Variants in MACF1 observed in about 807,000 individuals in gnomAD.
MACF1 encodes the protein microtubule actin crosslinking factor 1.
In MACF1, 193 loss-of-function variants were observed where a neutral mutation model predicts 854.8. That is an observed-to-expected ratio of 0.23 (90% CI 0.20 to 0.25). The LOEUF is 0.25. Ranked by LOEUF, MACF1 falls within the 10% of genes least tolerant of loss-of-function variation. The pLI is 1.00. For synonymous variants in MACF1, 3,185 were observed against 3,226.7 expected, an observed-to-expected ratio of 0.99 and a Z score of 0.44; for missense variants, 7,722 against 8,929.1, an observed-to-expected ratio of 0.86 and a Z score of 5.45.
At chr1:39,303,270 C>T (rs1428760259) in intron 23 of MACF1, among the ~76,000 whole-genome samples, 192 bp downstream of exon 23, 1 of 152,230 alleles carries the variant, frequency 6.6e-6, no homozygotes, top group East Asian at 1.9e-4. Context: ...TACTTCTGTT[C>T]AGCTGGAGTA....
intron 96 of MACF1, 39 bp downstream of exon 96, chr1:39,468,771 T>C (rs1644718833): frequency 6.5e-7 from 1 of 1,542,314 alleles, no homozygotes; most frequent in Non-Finnish European, 9.0e-7. Context: ...GTGTTAGGTA[T>C]GCCCCCAGCA....
At position 39,388,457 on chromosome 1, in the gene MACF1, G is replaced by A. The variant is rs1641884300; in HGVS notation, c.15615G>A (p.Leu5205=). The change falls in exon 58 of 101, where the codon CTG becomes CTA. Residue 5205 remains leucine (L), a synonymous_variant. Coordinates refer to ENST00000564288, the MANE Select transcript of MACF1 (RefSeq NM_001394062.1). The part of the protein sequence containing the change: ...LLGLKRELEA[L]NKQCGKLTER... ...GTCTCAAAAGGGAGCTAGAAGCCCT[G>A]AACAAACAGTGTGGCAAACTGACAG... The A allele has an allele frequency of 6.2e-7, 1 of 1,613,994 alleles. No homozygotes were observed. The highest frequency in any genetic ancestry group is 1.3e-5 in the African/African-American group (1 of 74,906).
intron 66 of MACF1, among the ~76,000 whole-genome samples, chr1:39,431,266 G>A (rs148874771): frequency 6.6e-6 from 1 of 152,270 alleles, no homozygotes; most frequent in East Asian, 1.9e-4. Context: ...AACTCTCTTA[G>A]CATTAGATGG....
intron 91 of MACF1, 130 bp downstream of exon 91, chr1:39,459,379 C>G (rs940287228): frequency 1.0e-6 from 1 of 968,644 alleles, no homozygotes. Context: ...CAGACCTATA[C>G]CAAGCCAGTA....
At chr1:39,404,652 T>G (rs1642623144) in intron 58 of MACF1, among the ~76,000 whole-genome samples, 1 of 152,098 alleles carries the variant, frequency 6.6e-6, no homozygotes, top group Non-Finnish European at 1.5e-5. Context: ...CCTGGCCAAT[T>G]TTTTAACTTT....
chr1:39,378,054 T>G (rs1649868978), intron 52 of MACF1, among the ~76,000 whole-genome samples: 1 of 152,128 alleles, frequency 6.6e-6, no homozygotes, highest in African/African-American at 2.4e-5. Context: ...GGTATTTTCA[T>G]TTTTATTATA....
intron 2 of MACF1, among the ~76,000 whole-genome samples, chr1:39,091,551 A>G (rs1324441925): frequency 1.3e-5 from 2 of 152,108 alleles, no homozygotes; most frequent in Admixed American, 6.5e-5. Context: ...GCTGGAGTGC[A>G]GTGGCACGAT....
intron 40 of MACF1, among the ~76,000 whole-genome samples, chr1:39,344,606 G>T (rs1211027476): frequency 1.3e-5 from 2 of 152,122 alleles, no homozygotes; most frequent in South Asian, 4.1e-4. Flanking sequence ...TTCCCTTGGG[G>T]TGGGCTGTCT....
intron 35 of MACF1, among the ~76,000 whole-genome samples, chr1:39,326,623 G>A (rs1305515006): frequency 2.3e-5 from 3 of 132,238 alleles, no homozygotes; most frequent in Non-Finnish European, 4.6e-5. Flanking sequence ...GGAGGTTGCA[G>A]TAAGCCAAGA....
At chr1:39,254,803 A>C (rs574617618) in intron 5 of MACF1, among the ~76,000 whole-genome samples, 2 of 152,350 alleles carry the variant, frequency 1.3e-5, no homozygotes, top group South Asian at 4.1e-4. Context: ...AAAAAGGTCT[A>C]AGTTGTTAAG....
rs538546938 is a variant in MACF1 at position 39,211,805 on chromosome 1, C to T, written c.109+6674C>T. On this transcript the variant is annotated intron_variant, in intron 1 of 100. Transcript: ENST00000564288. ...TGGAGGCAGGAGAATCGCTTGAACC[C>T]GAGAGGCAGAGGTTGCAGCGAGCCG... 5.3e-5 allele frequency among the ~76,000 whole-genome samples: 8 copies of T among 151,926 alleles called. No individual in the cohort carries two copies. The South Asian group carries it at 8.3e-4, about 16-fold the overall frequency.
chr1:39,331,309 T>C lies in MACF1; in HGVS notation c.4721T>C (p.Leu1574Pro). The C allele has an allele frequency of 6.2e-7, 1 of 1,613,912 alleles. No individual in the cohort carries two copies. The highest frequency in any genetic ancestry group is 1.3e-5 in the African/African-American group (1 of 74,922). The change falls in exon 37 of 101, where the codon CTT becomes CCT. Residue 1574 changes from leucine (L) to proline (P), a missense_variant. Around this residue, in one of 15 missense-constraint regions of MACF1, gnomAD observed 1,531 missense variants for 1,601.6 expected, o/e 0.96. Coordinates refer to ENST00000564288, the MANE Select transcript of MACF1 (RefSeq NM_001394062.1). ...GLLDQDTGLV[L>P]LESQVIMSGL... Reference sequence around the variant, plus strand: ...CTTGACCAAGACACAGGCCTAGTGCTTCTGGAATCTCAGGTTATCATGTCT... The same window carrying C: ...CTTGACCAAGACACAGGCCTAGTGCCTCTGGAATCTCAGGTTATCATGTCT...
chr1:39,127,268 GATTTTTGGCAGC>G (rs1642883371), intron 2 of MACF1, among the ~76,000 whole-genome samples: 2 of 152,198 alleles, frequency 1.3e-5, no homozygotes, highest in African/African-American at 4.8e-5. Flanking sequence ...TCTGCATTTT[GATTTTTGGCAGC>G]ATTTAGGAAA....
chr1:39,102,407 G>T (rs1310498940), intron 2 of MACF1, among the ~76,000 whole-genome samples: 3 of 131,974 alleles, frequency 2.3e-5, no homozygotes, highest in African/African-American at 9.2e-5. Context: ...ATTACCAAAG[G>T]GTAGAGGAGG....
rs1647704272 is a variant in MACF1, at chr1:39,357,623, C to T, written c.11673C>T (p.Ser3891=). The T allele has an allele frequency of 6.2e-7, 1 of 1,613,976 alleles. No individual in the cohort carries two copies. Among genetic ancestry groups the T allele is most frequent in the African/African-American group, 1.3e-5 (1 of 74,884 alleles). ...TGCAGGATCATAAAGAGTTTGAAAG[C>T]TGGTTGGAACGATCCGAGAAAGAGC... ...KFLQDHKEFE[S]WLERSEKELE... The change falls in exon 45 of 101, where the codon AGC becomes AGT. Residue 3891 remains serine (S), a synonymous_variant. Transcript: ENST00000564288.
chr1:39,443,118 C>T (rs1644152740), intron 78 of MACF1, among the ~76,000 whole-genome samples: 1 of 152,158 alleles, frequency 6.6e-6, no homozygotes, highest in African/African-American at 2.4e-5. Context: ...TCTCTTTATT[C>T]ACATTCAAAG....
chr1:39,155,386 G>A (rs1298889124), intron 2 of MACF1, among the ~76,000 whole-genome samples: 1 of 152,128 alleles, frequency 6.6e-6, no homozygotes, highest in African/African-American at 2.4e-5. Context: ...TTGTGTAGTC[G>A]ACTTTCCTTC....
intron 44 of MACF1, among the ~76,000 whole-genome samples, chr1:39,354,198 T>C (rs983057040): frequency 6.6e-6 from 1 of 152,148 alleles, no homozygotes; most frequent in Non-Finnish European, 1.5e-5. Context: ...GCTCTCACTT[T>C]CCTCTGGGCC....
chr1:39,285,239 C>G (rs78535908), intron 12 of MACF1, 29 bp downstream of exon 12: 1 of 1,614,130 alleles, frequency 6.2e-7, no homozygotes, highest in Admixed American at 1.7e-5. Flanking sequence ...AGTGGTCTGA[C>G]ATTATTTATT....
Sources: allele counts gnomAD v4.1 joint callset (sites outside exome capture counted in the v4.1 genomes callset), GRCh38; gene constraint gnomAD v4.1.1; regional missense constraint gnomAD v4.1.1; transcripts MANE v1.5; gene names NCBI Gene and HGNC (gene_info 2026-07-23, HGNC 2026-07-21).